PAM: variants seen among roughly 807,000 people sequenced by gnomAD.
PAM encodes the protein peptidyl-glycine alpha-amidating monooxygenase.
A neutral mutation model predicts 122.1 loss-of-function variants in PAM; 72 were observed. That is an observed-to-expected ratio of 0.59 (90% CI 0.49 to 0.72). PAM has a LOEUF of 0.72. PAM is among the 30% of genes least tolerant of loss of function. The pLI is 0.00. For synonymous variants in PAM, 389 were observed against 404.4 expected (o/e 0.96, Z 0.46); for missense variants, 1,106 against 1,183.7 (o/e 0.93, Z 0.96).
chr5:102,762,509 G>A (rs1752629499), intron 1 of PAM, among the ~76,000 whole-genome samples: 1 of 152,006 alleles, frequency 6.6e-6, no homozygotes, highest in Non-Finnish European at 1.5e-5. Context: ...TTCAATGAGT[G>A]GAAGCAATAT....
chr5:103,008,908 A>G (rs1244919072), intron 20 of PAM, among the ~76,000 whole-genome samples: 2 of 152,176 alleles, frequency 1.3e-5, no homozygotes, highest in South Asian at 4.1e-4. Flanking sequence ...TCTAAGCAAA[A>G]GATAATTTTC....
chr5:102,829,468 C>T (rs364178), intron 1 of PAM, among the ~76,000 whole-genome samples: 104,799 of 151,108 alleles, frequency 0.69, 36,520 homozygotes, highest in South Asian at 0.81. Flanking sequence ...GCCTCCCCGG[C>T]TCACACCATT....
chr5:102,798,213 C>T (rs1033561827), intron 1 of PAM, among the ~76,000 whole-genome samples: 8 of 152,126 alleles, frequency 5.3e-5, no homozygotes, highest in African/African-American at 1.7e-4. Context: ...GCATTGCAGC[C>T]AGATCAGTGC....
chr5:102,978,851 A>G (rs1768666765), intron 15 of PAM, among the ~76,000 whole-genome samples: 1 of 151,868 alleles, frequency 6.6e-6, no homozygotes, highest in South Asian at 2.1e-4. Context: ...AAAAACACCT[A>G]TACATAGCAC....
chr5:102,945,765 T>C (rs1469046271), intron 7 of PAM, among the ~76,000 whole-genome samples: 1 of 147,920 alleles, frequency 6.8e-6, no homozygotes, highest in African/African-American at 2.5e-5. Context: ...TGTACAGTTC[T>C]TAACTGTCTG....
intron 7 of PAM, among the ~76,000 whole-genome samples, chr5:102,937,429 C>T (rs1753623586): frequency 1.3e-5 from 2 of 152,136 alleles, no homozygotes; most frequent in African/African-American, 4.8e-5. Flanking sequence ...AACGCCATGG[C>T]CTCTCAGGCC....
At chr5:102,811,529 C>T (rs759597590) in intron 1 of PAM, among the ~76,000 whole-genome samples, 16 of 152,124 alleles carry the variant, frequency 1.1e-4, no homozygotes, top group South Asian at 2.1e-4. Context: ...AGACTCTCCC[C>T]GTTTTAAGAC....
chr5:102,783,191 C>T (rs1759520732), intron 1 of PAM, among the ~76,000 whole-genome samples: 2 of 137,154 alleles, frequency 1.5e-5, no homozygotes, highest in Non-Finnish European at 1.6e-5. Context: ...TTGTGGGGCC[C>T]AGTTCAAAAT....
intron 1 of PAM, among the ~76,000 whole-genome samples, chr5:102,859,485 G>GT (rs1180361046): frequency 3.3e-5 from 5 of 152,056 alleles, no homozygotes; most frequent in East Asian, 3.9e-4. Flanking sequence ...CAATGCATTT[G>GT]TTTTTTAAGC....
chr5:102,979,022 A>G lies in PAM; in HGVS notation c.1483+4586A>G, dbSNP rs1369094018. On this transcript the variant is annotated intron_variant, in intron 15 of 25. Transcript: ENST00000438793. The stretch of plus-strand genomic sequence containing the variant: ...AGTCTTGCTTCTTAATCACTCTGTT[A>G]TTCTGCATCACACACACACACACAC... Among the ~76,000 whole-genome samples, 3 of 132,154 alleles carry G rather than the reference A, an allele frequency of 2.3e-5. No individual in the cohort carries two copies. The East Asian group carries it at 6.9e-4, about 30-fold the overall frequency. The allele number at this position is 132,154 out of a possible 152,430, so 86.7% of individuals were successfully genotyped here.
At chr5:102,888,654 G>C (rs3749668) in intron 3 of PAM, among the ~76,000 whole-genome samples, 6,838 of 151,794 alleles carry the variant, frequency 0.045, 331 homozygotes, top group East Asian at 0.18. Flanking sequence ...TTTGGTTCAG[G>C]CTGTATTTTC....
At chr5:102,779,886 C>CATACAT (rs1554059655) in intron 1 of PAM, among the ~76,000 whole-genome samples, 5 of 81,054 alleles carry the variant, frequency 6.2e-5, no homozygotes, top group East Asian at 4.1e-4. Context: ...CTCCCATATA[C>CATACAT]ATATATATAT....
intron 7 of PAM, among the ~76,000 whole-genome samples, chr5:102,944,917 T>C (rs2151932446): frequency 6.6e-6 from 1 of 152,254 alleles, no homozygotes; most frequent in South Asian, 2.1e-4. Flanking sequence ...TTTTCCCATG[T>C]TTTTCCTGCT....
At chr5:102,974,992 G>C (rs1307981829) in intron 15 of PAM, among the ~76,000 whole-genome samples, 2 of 152,056 alleles carry the variant, frequency 1.3e-5, no homozygotes, top group Non-Finnish European at 2.9e-5. Flanking sequence ...ATTTCTGAAG[G>C]GACCTCTACT....
At chr5:102,778,770 G>C (rs1365553226) in intron 1 of PAM, among the ~76,000 whole-genome samples, 1 of 152,118 alleles carries the variant, frequency 6.6e-6, no homozygotes, top group South Asian at 2.1e-4. Flanking sequence ...GTTTTCTGGT[G>C]GGTTGGTGAT....
chr5:102,915,616 G>C (rs1802875483), intron 5 of PAM, among the ~76,000 whole-genome samples: 1 of 151,992 alleles, frequency 6.6e-6, no homozygotes, highest in Non-Finnish European at 1.5e-5. Context: ...ACATCCTTTG[G>C]TTTTTATGCT....
rs7713041 is a variant in PAM, at chr5:102,870,719, A to G, written c.210+3326A>G. Among the ~76,000 whole-genome samples the G allele has an allele frequency of 5.3e-3, 803 of 152,304 alleles. 10 individuals carry two copies. The highest frequency in any genetic ancestry group is 0.017 in the African/African-American group (725 of 41,566). ...ATAGGTGTTTTTCCAGCCTTTGGGAAGATTAGAGAGAAGAGTAGGCAGGTT... is the reference window on the plus strand; with the variant it reads ...ATAGGTGTTTTTCCAGCCTTTGGGAGGATTAGAGAGAAGAGTAGGCAGGTT... On this transcript the variant is annotated intron_variant, in intron 3 of 25. Coordinates refer to ENST00000438793, the MANE Select transcript of PAM (RefSeq NM_001177306.2).
intron 15 of PAM, among the ~76,000 whole-genome samples, chr5:102,978,630 A>G (rs1183197148): frequency 2.6e-5 from 4 of 152,300 alleles, no homozygotes; most frequent in African/African-American, 7.2e-5. Context: ...TGATCAGATA[A>G]GAGGATTCAG....
chr5:103,002,441 C>T (rs1010077802), intron 16 of PAM, among the ~76,000 whole-genome samples: 2 of 151,866 alleles, frequency 1.3e-5, no homozygotes, highest in African/African-American at 4.8e-5. Context: ...AGTTTTATGC[C>T]TCTAAGCATA....
Sources: allele counts gnomAD v4.1 joint callset (sites outside exome capture counted in the v4.1 genomes callset), GRCh38; gene constraint gnomAD v4.1.1; transcripts MANE v1.5; gene names NCBI Gene and HGNC (gene_info 2026-07-23, HGNC 2026-07-21).